Variants in DPP10 observed in about 807,000 individuals in gnomAD.
DPP10 encodes inactive dipeptidyl peptidase 10.
DPP10 carries 33 observed loss-of-function variants against 120.9 expected under a neutral mutation model. The ratio of observed to expected loss-of-function variants is 0.27; its 90% CI spans 0.21 to 0.37. DPP10 has a LOEUF of 0.37. DPP10 is among the 10% of genes least tolerant of loss of function. DPP10 has a pLI of 1.00. For missense variants in DPP10, 816 were observed against 942.8 expected (o/e 0.87, Z 1.76); for synonymous variants, 337 against 326.1 (o/e 1.03, Z -0.36).
intron 5 of DPP10, among the ~76,000 whole-genome samples, chr2:115,661,483 T>C (rs2088970934): frequency 6.6e-6 from 1 of 152,200 alleles, no homozygotes; most frequent in Non-Finnish European, 1.5e-5. Flanking sequence ...TCACAGGATA[T>C]TTTGTTTTCG....
intron 1 of DPP10, among the ~76,000 whole-genome samples, chr2:115,022,871 A>G (rs1408311482): frequency 1.3e-5 from 2 of 152,196 alleles, no homozygotes; most frequent in African/African-American, 4.8e-5. Context: ...TTGCTCTTCA[A>G]CAAAGCAAAC....
At chr2:114,869,153 A>G (rs114966232) in intron 1 of DPP10, among the ~76,000 whole-genome samples, 3,350 of 152,252 alleles carry the variant, frequency 0.022, 126 homozygotes, top group African/African-American at 0.077. Flanking sequence ...AAAATATGCA[A>G]TTGGGAATTA....
intron 1 of DPP10, among the ~76,000 whole-genome samples, chr2:114,488,654 G>A (rs1256038725): frequency 6.6e-6 from 1 of 152,156 alleles, no homozygotes; most frequent in African/African-American, 2.4e-5. Flanking sequence ...TTACATAGCC[G>A]TACGATAATT....
Position 115,314,486 on chromosome 2 carries a change from A to G in DPP10, c.175+5133A>G, listed in dbSNP as rs965915490. Among the ~76,000 whole-genome samples the G allele has an allele frequency of 3.7e-4, 57 of 152,200 alleles. 2 individuals are homozygous for G. The highest frequency in any genetic ancestry group is 6.6e-5 in the Admixed American group (1 of 15,262). The stretch of plus-strand genomic sequence containing the variant: ...CCTTTAGTACACTTTTTAGGTGTGC[A>G]CAGTAGATGGTCTTTGCAGGTTTAT... On this transcript the variant is annotated intron_variant, in intron 2 of 25. Transcript: ENST00000410059.
intron 13 of DPP10, among the ~76,000 whole-genome samples, chr2:115,770,648 A>T (rs970378333): frequency 4.6e-5 from 7 of 152,164 alleles, no homozygotes; most frequent in African/African-American, 1.7e-4. Context: ...TATTTTAGGA[A>T]ATGGTTTGAA....
At chr2:115,130,497 C>T (rs1243191179) in intron 1 of DPP10, among the ~76,000 whole-genome samples, 1 of 126,740 alleles carries the variant, frequency 7.9e-6, no homozygotes, top group African/African-American at 2.7e-5. Flanking sequence ...TCCATCCATC[C>T]ATCTATCCAT....
At chr2:115,742,073 T>C (rs1295774421) in intron 9 of DPP10, among the ~76,000 whole-genome samples, 2 of 152,188 alleles carry the variant, frequency 1.3e-5, no homozygotes, top group African/African-American at 4.8e-5. Context: ...AACTTTATGT[T>C]TTCAGGGAGA....
chr2:114,478,118 CACAG>C (rs938586153), intron 1 of DPP10, among the ~76,000 whole-genome samples: 4 of 151,854 alleles, frequency 2.6e-5, no homozygotes, highest in Admixed American at 2.0e-4. Context: ...AACAAAACCA[CACAG>C]ACAGTATAAA....
intron 5 of DPP10, among the ~76,000 whole-genome samples, chr2:115,622,763 T>C (rs1478863812): frequency 1.3e-5 from 2 of 151,844 alleles, no homozygotes; most frequent in Non-Finnish European, 1.5e-5. Flanking sequence ...CTAATGATAA[T>C]AGGCACTTCT....
At chr2:115,618,655 C>T (rs771706159) in intron 5 of DPP10, among the ~76,000 whole-genome samples, 4 of 152,106 alleles carry the variant, frequency 2.6e-5, no homozygotes, top group Non-Finnish European at 5.9e-5. Context: ...CATACAAATC[C>T]GTTTATATGA....
intron 5 of DPP10, among the ~76,000 whole-genome samples, chr2:115,660,143 T>C (rs1024920574): frequency 3.3e-5 from 5 of 152,216 alleles, no homozygotes; most frequent in African/African-American, 1.2e-4. Context: ...TAGGATTATT[T>C]AGTTAAAATC....
rs576639067 is a variant in DPP10 at position 115,337,789 on chromosome 2, A to G, written c.176-6028A>G. 3.3e-5 allele frequency among the ~76,000 whole-genome samples: 5 copies of G among 152,042 alleles called. No homozygotes were observed. In the South Asian group the frequency reaches 1.0e-3, roughly 31 times the overall value. On this transcript the variant is annotated intron_variant, in intron 2 of 25. Transcript: ENST00000410059. ...CTTTATTCTAGGAATGAAAAATTCAAGAGACCTCAGGGTAGGCAGCTAAGG... is the reference window on the plus strand; with the variant it reads ...CTTTATTCTAGGAATGAAAAATTCAGGAGACCTCAGGGTAGGCAGCTAAGG...
intron 1 of DPP10, among the ~76,000 whole-genome samples, chr2:115,031,876 A>G (rs1421777368): frequency 6.6e-6 from 1 of 152,166 alleles, no homozygotes; most frequent in Non-Finnish European, 1.5e-5. Context: ...TATAAAAATC[A>G]CTGTGAAACA....
At chr2:114,653,027 A>AGAGTGTGTGTGTGTGTGTGT (rs1553476958) in intron 1 of DPP10, among the ~76,000 whole-genome samples, 1 of 135,772 alleles carries the variant, frequency 7.4e-6, no homozygotes, top group African/African-American at 3.1e-5. Flanking sequence ...AGAGAGAGAG[A>AGAGTGTGTGTGTGTGTGTGT]GTGTGTGTGT....
At chr2:114,546,931 T>C (rs1474953804) in intron 1 of DPP10, among the ~76,000 whole-genome samples, 1 of 152,248 alleles carries the variant, frequency 6.6e-6, no homozygotes, top group East Asian at 1.9e-4. Flanking sequence ...ATTCTTATTC[T>C]GATCCCCAGA....
chr2:115,818,970 G>T (rs1687539738), intron 21 of DPP10, among the ~76,000 whole-genome samples: 1 of 152,148 alleles, frequency 6.6e-6, no homozygotes, highest in Non-Finnish European at 1.5e-5. Flanking sequence ...TAAATTAAAA[G>T]TTGACTTTCT....
intron 9 of DPP10, 126 bp downstream of exon 9, chr2:115,740,019 A>C (rs1677058777): frequency 9.6e-7 from 1 of 1,043,284 alleles, no homozygotes; most frequent in African/African-American, 1.6e-5. Flanking sequence ...TACTTGTCAG[A>C]CTCATCACTT....
intron 1 of DPP10, among the ~76,000 whole-genome samples, chr2:114,569,473 G>A (rs1689455378): frequency 1.3e-5 from 2 of 152,122 alleles, no homozygotes; most frequent in African/African-American, 4.8e-5. Context: ...TCTAAAATAT[G>A]TCCTGATAGG....
intron 1 of DPP10, among the ~76,000 whole-genome samples, chr2:114,481,820 C>T (rs2104682079): frequency 6.6e-6 from 1 of 151,172 alleles, no homozygotes; most frequent in Non-Finnish European, 1.5e-5. Flanking sequence ...CCCCTGGAAA[C>T]TTATAATCAG....
Sources: gnomAD v4.1 joint callset for allele counts (sites outside exome capture counted in the v4.1 genomes callset) on GRCh38, gnomAD v4.1.1 for gene constraint, MANE v1.5 for transcripts, NCBI Gene and HGNC (gene_info 2026-07-23, HGNC 2026-07-21) for gene names.